Variants in EVI5L observed in about 807,000 individuals in gnomAD.
EVI5L encodes ecotropic viral integration site 5 like.
In EVI5L, 30 loss-of-function variants were observed where a neutral mutation model predicts 106.1. The observed-to-expected ratio is 0.28, with a 90% confidence interval of 0.21 to 0.38. The LOEUF (loss-of-function observed/expected upper bound fraction) is 0.38. EVI5L is among the 10% of genes least tolerant of loss of function. The probability of loss-of-function intolerance (pLI) is 1.00; values close to 1 mark genes in which losing one functional copy is unlikely to be tolerated. For missense variants in EVI5L, 809 were observed against 1,098.0 expected (o/e 0.74, Z 3.72); for synonymous variants, 489 against 483.3 (o/e 1.01, Z -0.15).
In EVI5L at chr19:7,850,610, C is replaced by T. The variant is rs567908079; in HGVS notation, c.753+488C>T. On this transcript the variant is annotated intron_variant, in intron 6 of 19. Coordinates refer to ENST00000538904, the MANE Select transcript of EVI5L (RefSeq NM_001159944.3). This position sits in a 1 kb window ranked among gnomAD's most constrained non-coding sequence, Gnocchi z 5.4. Reference sequence around the variant, plus strand: ...ACACACCCGCATGCATACACACACACGCAGACACACACACACACACCGGCC... The same window carrying T: ...ACACACCCGCATGCATACACACACATGCAGACACACACACACACACCGGCC... 5.3e-5 allele frequency among the ~76,000 whole-genome samples: 8 copies of T among 152,182 alleles called. No individual in the cohort carries two copies. In the East Asian group the frequency reaches 5.8e-4, roughly 11 times the overall value.
At chr19:7,838,077 T>TTG (rs1325934153) in intron 1 of EVI5L, among the ~76,000 whole-genome samples, 26 of 75,274 alleles carry the variant, frequency 3.5e-4, no homozygotes, top group South Asian at 6.7e-4. Flanking sequence ...TCTGGTGTGT[T>TTG]TATTTTTTTT....
At chr19:7,853,368 G>C in intron 10 of EVI5L, 35 bp downstream of exon 10, 1 of 1,592,600 alleles carries the variant, frequency 6.3e-7, no homozygotes, top group Non-Finnish European at 8.5e-7. Flanking sequence ...GGACAGGGAT[G>C]GGAGGCCTTT....
chr19:7,830,967 C>T (rs1027117409), intron 1 of EVI5L, among the ~76,000 whole-genome samples: 1 of 148,376 alleles, frequency 6.7e-6, no homozygotes, highest in Non-Finnish European at 1.5e-5. Context: ...CTCTGTAAGT[C>T]GGATTTCCTA....
chr19:7,853,831 G>A (rs1350611312), intron 10 of EVI5L, among the ~76,000 whole-genome samples: 1 of 152,206 alleles, frequency 6.6e-6, no homozygotes, highest in African/African-American at 2.4e-5. Context: ...ACACCAGGGT[G>A]TGTAGGGCAG....
Position 7,851,766 on chromosome 19 carries a change from C to A in EVI5L, c.983C>A (p.Ser328Tyr). The A allele has an allele frequency of 6.7e-7, 1 of 1,498,704 alleles. No homozygotes were observed. Among genetic ancestry groups the A allele is most frequent in the South Asian group, 1.4e-5 (1 of 71,824 alleles). 92.8% of individuals were successfully genotyped at this position (1,498,704 alleles called of 1,614,324 possible). A position where few individuals can be genotyped will look rare whatever the true frequency, so the allele number is the denominator to read the frequency against. ...ATGCAGCTGGACATGGAGGGGATGT[C>A]CCAGGTGGGCCGGGAGGGCCAGGGC... ...ELMQLDMEGM[S>Y]QYFQRVIPHQ... Residue 328 changes from serine to tyrosine, a missense_variant, in exon 8 of 20, where the codon TCC becomes TAC. This residue lies in a region of EVI5L where 357 missense variants were observed against 588.1 expected (regional missense o/e 0.61). Coordinates refer to ENST00000538904, the MANE Select transcript of EVI5L (RefSeq NM_001159944.3).
Position 7,862,540 on chromosome 19 carries a change from GA to G in EVI5L, c.1947+7del. ...AGGCCGAGGCCGAGTGCAAGGTGCA[GA>G]CCCCCGCGGCCCCGCCCTGCCCGTG... On this transcript the variant is annotated splice_region_variant and intron_variant, in intron 17 of 19. Coordinates refer to ENST00000538904, the MANE Select transcript of EVI5L (RefSeq NM_001159944.3). 6.9e-7 allele frequency: 1 copy of G among 1,458,680 alleles called. No homozygotes were observed. The highest frequency in any genetic ancestry group is 9.1e-7 in the Non-Finnish European group (1 of 1,104,646). The allele number at this position is 1,458,680 out of a possible 1,614,324, so 90.4% of individuals were successfully genotyped here. A position where few individuals can be genotyped will look rare whatever the true frequency, so the allele number is the denominator to read the frequency against.
Position 7,851,430 on chromosome 19 carries a change from G to T in EVI5L, c.754-4G>T, listed in dbSNP as rs1421183951. 2.5e-6 allele frequency: 4 copies of T among 1,608,814 alleles called. No homozygotes were observed. The South Asian group carries it at 4.4e-5, about 18-fold the overall frequency. ...TGTGCCCACCCGGCCTCCCACCCCT[G>T]CAGGAGCAGCTCCCAGACCTCAACA... is the stretch of plus-strand genomic sequence containing the variant. On this transcript the variant is annotated splice_polypyrimidine_tract_variant and splice_region_variant and intron_variant, in intron 6 of 19. Coordinates refer to ENST00000538904, the MANE Select transcript of EVI5L (RefSeq NM_001159944.3).
rs1979186535 is a variant in EVI5L at position 7,850,460 on chromosome 19, A to C, written c.753+338A>C. On this transcript the variant is annotated intron_variant, in intron 6 of 19. Coordinates refer to ENST00000538904, the MANE Select transcript of EVI5L (RefSeq NM_001159944.3). This position sits in a 1 kb window ranked among gnomAD's most constrained non-coding sequence, Gnocchi z 5.4. ...CCTGTCTGCTCCAGAGTGTGGTGGA[A>C]GGAGGGAGTGTTGTCTGCCTGCCTG... 6.6e-6 allele frequency among the ~76,000 whole-genome samples: 1 copy of C among 152,148 alleles called. No homozygotes were observed. The highest frequency in any genetic ancestry group is 2.1e-4 in the South Asian group (1 of 4,830).
Position 7,858,679 on chromosome 19 carries a change from CCTGTCCCCAGGGT to C in EVI5L, c.1374+352_1374+364del, listed in dbSNP as rs2308209. The C allele has an allele frequency of 0.18, 50,807 of 283,430 alleles. 5,140 individuals are homozygous for C. Among genetic ancestry groups the C allele is most frequent in the African/African-American group, 0.27 (12,103 of 44,974 alleles). The allele number at this position is 283,430 out of a possible 1,614,324, so 17.6% of individuals were successfully genotyped here. ...CTGTGACTCCTTACGGAGGCTCTTGCCTGTCCCCAGGGTCTGAAGGATTGTTAGGTGTCCCTGG... is the reference window on the plus strand; with the variant it reads ...CTGTGACTCCTTACGGAGGCTCTTGCCTGAAGGATTGTTAGGTGTCCCTGG... On this transcript the variant is annotated intron_variant, in intron 13 of 19. Coordinates refer to ENST00000538904, the MANE Select transcript of EVI5L (RefSeq NM_001159944.3). The surrounding 1 kb of genome is among the most constrained non-coding windows in gnomAD (Gnocchi z 5.7).
rs761812613 is a variant in EVI5L at position 7,863,177 on chromosome 19, C to A, written c.2044-8C>A. 175 of 1,552,890 alleles carry A rather than the reference C, an allele frequency of 1.1e-4. No homozygotes were observed. Among genetic ancestry groups the A allele is most frequent in the Non-Finnish European group, 1.5e-4 (174 of 1,148,596 alleles). ...CACTGGCCCCGCGTGACCTGGCGCA[C>A]CCCGCAGAGGGAGGAAGGCCGCATC... is the stretch of plus-strand genomic sequence containing the variant. On this transcript the variant is annotated splice_polypyrimidine_tract_variant and splice_region_variant and intron_variant, in intron 18 of 19. Transcript: ENST00000538904. The surrounding 1 kb of genome is among the most constrained non-coding windows in gnomAD (Gnocchi z 7.7).
At chr19:7,854,387 C>T (rs1282698632) in intron 10 of EVI5L, among the ~76,000 whole-genome samples, 1 of 151,994 alleles carries the variant, frequency 6.6e-6, no homozygotes, top group Non-Finnish European at 1.5e-5. Context: ...TAGGAAGGGA[C>T]ACAGACACAA....
chr19:7,837,285 C>T (rs1444263127), intron 1 of EVI5L, among the ~76,000 whole-genome samples: 1 of 151,426 alleles, frequency 6.6e-6, no homozygotes, highest in Non-Finnish European at 1.5e-5. Context: ...GAGCCGAGAT[C>T]ACACCACTGC....
chr19:7,856,186 C>T lies in EVI5L; in HGVS notation c.1200+118C>T, dbSNP rs1599575784. 9.7e-7 allele frequency: 1 copy of T among 1,032,484 alleles called. No individual in the cohort carries two copies. The highest frequency in any genetic ancestry group is 1.3e-6 in the Non-Finnish European group (1 of 783,892). 64.0% of individuals were successfully genotyped at this position (1,032,484 alleles called of 1,614,324 possible). On this transcript the variant is annotated intron_variant, in intron 11 of 19. Transcript: ENST00000538904. This position sits in a 1 kb window ranked among gnomAD's most constrained non-coding sequence, Gnocchi z 6.6. ...GTCTTCTCCTCTCTGGAGGACTAAGCAGCCCTACCTTCCTGCCCCAGGACC... is the reference window on the plus strand; with the variant it reads ...GTCTTCTCCTCTCTGGAGGACTAAGTAGCCCTACCTTCCTGCCCCAGGACC...
intron 8 of EVI5L, 151 bp downstream of exon 8, chr19:7,851,921 C>T (rs1979270802): frequency 8.9e-6 from 6 of 675,096 alleles, no homozygotes; most frequent in African/African-American, 1.9e-5. Context: ...ACTCTGTTCC[C>T]CTGAGGTCTC....
Position 7,856,845 on chromosome 19 carries a change from C to A in EVI5L, c.1201-247C>A. 1.5e-6 allele frequency: 1 copy of A among 680,158 alleles called. No individual in the cohort carries two copies. Among genetic ancestry groups the A allele is most frequent in the Non-Finnish European group, 2.7e-6 (1 of 372,014 alleles). The allele number at this position is 680,158 out of a possible 1,614,324, so 42.1% of individuals were successfully genotyped here. A position where few individuals can be genotyped will look rare whatever the true frequency, so the allele number is the denominator to read the frequency against. ...TTTCCCAGCCCTGCGGCCTCCCCCA[C>A]AGCCGCGGGCACCCCCGACCTCCCC... On this transcript the variant is annotated intron_variant, in intron 11 of 19. Transcript: ENST00000538904. This position sits in a 1 kb window ranked among gnomAD's most constrained non-coding sequence, Gnocchi z 6.6.
intron 2 of EVI5L, among the ~76,000 whole-genome samples, chr19:7,847,456 A>AGG (rs1979005215): frequency 6.6e-6 from 1 of 151,908 alleles, no homozygotes; most frequent in Admixed American, 6.6e-5. Flanking sequence ...GTGTGGTGGC[A>AGG]TGCACCTGTA....
chr19:7,844,377 G>A (rs538145976), intron 1 of EVI5L, among the ~76,000 whole-genome samples: 2 of 151,118 alleles, frequency 1.3e-5, no homozygotes, highest in South Asian at 4.2e-4. Context: ...ACCGAGGCTC[G>A]GGCAGAGATT....
At chr19:7,840,265 G>T (rs1268040701) in intron 1 of EVI5L, among the ~76,000 whole-genome samples, 1 of 152,210 alleles carries the variant, frequency 6.6e-6, no homozygotes, top group Admixed American at 6.5e-5. Context: ...AATCACTTGA[G>T]GTCAGGAGTT....
In EVI5L at chr19:7,851,508, C is replaced by T. The variant is rs1979250421; in HGVS notation, c.828C>T (p.Phe276=). Residue 276 remains phenylalanine (F), a synonymous_variant, in exon 7 of 20, where the codon TTC becomes TTT. Coordinates refer to ENST00000538904, the MANE Select transcript of EVI5L (RefSeq NM_001159944.3). The part of the protein sequence containing the change: ...FHTSMYASSW[F]LTLFLTTFPL... ...CATCCATGTATGCCTCGTCCTGGTTCCTCACACTGTTCCTGACCACCTTCC... is the reference window on the plus strand; with the variant it reads ...CATCCATGTATGCCTCGTCCTGGTTTCTCACACTGTTCCTGACCACCTTCC... 10 of 1,613,602 alleles carry T rather than the reference C, an allele frequency of 6.2e-6. No individual in the cohort carries two copies. Among genetic ancestry groups the T allele is most frequent in the Non-Finnish European group, 8.5e-6 (10 of 1,179,784 alleles).
Sources: gnomAD v4.1 joint callset for allele counts (sites outside exome capture counted in the v4.1 genomes callset) on GRCh38, gnomAD v4.1.1 for gene constraint, gnomAD v4.1.1 regional missense constraint, Gnocchi (gnomAD v3.1) non-coding constraint, MANE v1.5 for transcripts, NCBI Gene and HGNC (gene_info 2026-07-23, HGNC 2026-07-21) for gene names.